The following ELAVL2 variants were observed in gnomAD, a reference collection of about 807,000 sequenced individuals.
The protein encoded by ELAVL2 is ELAV-like protein 2.
ELAVL2 carries 4 observed loss-of-function variants against 34.6 expected under a neutral mutation model. That is an observed-to-expected ratio of 0.12 (90% CI 0.06 to 0.26). The LOEUF (loss-of-function observed/expected upper bound fraction) is 0.26, where lower values mean the gene tolerates loss of function less well. ELAVL2 is among the 10% of genes least tolerant of loss of function. The pLI is 1.00. For missense variants in ELAVL2, 432 were observed against 442.8 expected (o/e 0.98, Z 0.22); for synonymous variants, 193 against 154.8 (o/e 1.25, Z -1.83).
At chr9:23,728,034 AG>A (rs1786699351) in intron 3 of ELAVL2, among the ~76,000 whole-genome samples, 1 of 152,056 alleles carries the variant, frequency 6.6e-6, no homozygotes, top group African/African-American at 2.4e-5. Context: ...TGTCCTGGCA[AG>A]AGTTTTGATA....
At chr9:23,764,261 T>C (rs1044978848) in intron 1 of ELAVL2, among the ~76,000 whole-genome samples, 5 of 152,154 alleles carry the variant, frequency 3.3e-5, no homozygotes, top group African/African-American at 9.6e-5. Context: ...CTAAAGCTCA[T>C]TGGGATAGCA....
intron 3 of ELAVL2, among the ~76,000 whole-genome samples, chr9:23,718,917 C>T (rs1270555289): frequency 6.6e-6 from 1 of 152,148 alleles, no homozygotes; most frequent in Non-Finnish European, 1.5e-5. Context: ...GCTGTATATT[C>T]CCCCTAACAG....
At chr9:23,810,373 G>A (rs2062815608) in intron 1 of ELAVL2, among the ~76,000 whole-genome samples, 1 of 151,968 alleles carries the variant, frequency 6.6e-6, no homozygotes, top group African/African-American at 2.4e-5. Flanking sequence ...ATACTGCTAG[G>A]AGTGCTACAG....
chr9:23,766,890 C>A (rs192102145), intron 1 of ELAVL2, among the ~76,000 whole-genome samples: 1 of 151,912 alleles, frequency 6.6e-6, no homozygotes, highest in African/African-American at 2.4e-5. Context: ...CTCTGAAACT[C>A]TTCGGAAAGA....
At chr9:23,695,532 C>G (rs1024202175) in intron 5 of ELAVL2, among the ~76,000 whole-genome samples, 7 of 152,112 alleles carry the variant, frequency 4.6e-5, no homozygotes, top group African/African-American at 1.7e-4. Flanking sequence ...GGGATATGTT[C>G]TGAAAATGTG....
At chr9:23,812,210 C>G (rs1349896947) in intron 1 of ELAVL2, among the ~76,000 whole-genome samples, 1 of 152,048 alleles carries the variant, frequency 6.6e-6, no homozygotes, top group Admixed American at 6.6e-5. Flanking sequence ...CAAGTCTCAA[C>G]GTTCTCAGTA....
At chr9:23,744,116 AATTT>A in intron 2 of ELAVL2, among the ~76,000 whole-genome samples, 1 of 152,308 alleles carries the variant, frequency 6.6e-6, no homozygotes, top group African/African-American at 2.4e-5. Flanking sequence ...TAGCCTTATG[AATTT>A]GAGATTGGGA....
At chr9:23,797,736 T>C (rs567684767) in intron 1 of ELAVL2, among the ~76,000 whole-genome samples, 23 of 152,288 alleles carry the variant, frequency 1.5e-4, no homozygotes, top group African/African-American at 5.1e-4. Flanking sequence ...GAGACCAATC[T>C]GACCAACATG....
At chr9:23,710,049 T>C (rs970673343) in intron 3 of ELAVL2, among the ~76,000 whole-genome samples, 1 of 152,140 alleles carries the variant, frequency 6.6e-6, no homozygotes, top group Non-Finnish European at 1.5e-5. Context: ...CTACTACAGG[T>C]AAGTAAATGG....
At chr9:23,741,995 C>G (rs1298036602) in intron 2 of ELAVL2, among the ~76,000 whole-genome samples, 1 of 152,162 alleles carries the variant, frequency 6.6e-6, no homozygotes, top group African/African-American at 2.4e-5. Context: ...CTAGCAACTC[C>G]TTGTGTCCCA....
intron 1 of ELAVL2, among the ~76,000 whole-genome samples, chr9:23,788,085 G>A (rs1166083922): frequency 1.3e-5 from 2 of 152,168 alleles, no homozygotes; most frequent in Non-Finnish European, 2.9e-5. Context: ...AAGACTGTAG[G>A]TAAGAAGGGA....
the ELAVL2 span, among the ~76,000 whole-genome samples, chr9:23,848,404 T>G: frequency 3.5e-4 from 54 of 152,314 alleles, 2 homozygotes; most frequent in East Asian, 0.01. Flanking sequence ...TACCAACAAA[T>G]TAGTAGTTTA....
chr9:23,737,006 C>T (rs1389730379), intron 2 of ELAVL2, among the ~76,000 whole-genome samples: 1 of 152,174 alleles, frequency 6.6e-6, no homozygotes, highest in Non-Finnish European at 1.5e-5. Context: ...CCTGCCACAA[C>T]TTGCCCCATC....
rs2065125354 is a variant in ELAVL2 at position 23,824,041 on chromosome 9, G to A, written c.-16+1765C>T. On this transcript the variant is annotated intron_variant, in intron 1 of 6. Transcript: ENST00000397312. ...GAAGGGACAGAATCCGTGCATTTCG[G>A]GGAGAAAGTACAGAGACCTCCATCC... Among the ~76,000 whole-genome samples, 3 of 152,118 alleles carry A rather than the reference G, an allele frequency of 2.0e-5. No individual in the cohort carries two copies. The South Asian group carries it at 6.2e-4, about 32-fold the overall frequency.
chr9:23,826,497 T>A (rs996179337), upstream of ELAVL2, among the ~76,000 whole-genome samples: 4 of 152,140 alleles, frequency 2.6e-5, no homozygotes, highest in Non-Finnish European at 5.9e-5. Context: ...TCTCGAGAGC[T>A]CAATGGAGTC....
At chr9:23,752,551 T>C (rs750168163) in intron 2 of ELAVL2, among the ~76,000 whole-genome samples, 1 of 151,674 alleles carries the variant, frequency 6.6e-6, no homozygotes, top group Non-Finnish European at 1.5e-5. Flanking sequence ...GCCTCCCGGG[T>C]TGAAGCGATT....
chr9:23,704,021 C>A (rs1201548747), intron 4 of ELAVL2, among the ~76,000 whole-genome samples: 1 of 152,152 alleles, frequency 6.6e-6, no homozygotes, highest in Non-Finnish European at 1.5e-5. Flanking sequence ...TGACCTCCGC[C>A]TCTGGGGTTC....
chr9:23,712,321 T>C (rs2041191639), intron 3 of ELAVL2, among the ~76,000 whole-genome samples: 1 of 152,084 alleles, frequency 6.6e-6, no homozygotes. Flanking sequence ...TCCTGTGAAA[T>C]GACAGTGACT....
intron 1 of ELAVL2, among the ~76,000 whole-genome samples, chr9:23,798,146 T>C (rs968875610): frequency 2.0e-5 from 3 of 152,218 alleles, no homozygotes; most frequent in Admixed American, 6.5e-5. Flanking sequence ...AAAGCTGTCC[T>C]TTAACTGTCT....
Sources: gnomAD v4.1 joint callset for allele counts (sites outside exome capture counted in the v4.1 genomes callset) on GRCh38, gnomAD v4.1.1 for gene constraint, MANE v1.5 for transcripts, NCBI Gene and HGNC (gene_info 2026-07-23, HGNC 2026-07-21) for gene names.